DRC1: variants seen among roughly 807,000 people sequenced by gnomAD.
DRC1 encodes dynein regulatory complex protein 1.
DRC1 carries 74 observed loss-of-function variants against 98.7 expected under a neutral mutation model. The ratio of observed to expected loss-of-function variants is 0.75; its 90% confidence interval spans 0.62 to 0.91. The LOEUF (loss-of-function observed/expected upper bound fraction) is 0.91, where lower values mean the gene tolerates loss of function less well. Ranked by LOEUF, DRC1 falls within the 40% of genes least tolerant of loss-of-function variation. The pLI, the probability that DRC1 is intolerant of heterozygous loss-of-function variation, is 0.00. For missense variants in DRC1, 875 were observed against 886.0 expected (o/e 0.99, Z 0.16); for synonymous variants, 336 against 334.1 (o/e 1.01, Z -0.06).
At chr2:26,427,400 G>A (rs945699586) in intron 4 of DRC1, among the ~76,000 whole-genome samples, 5 of 152,014 alleles carry the variant, frequency 3.3e-5, no homozygotes, top group Non-Finnish European at 7.4e-5. Context: ...ACAGTTGTGA[G>A]CCACCGCACC....
In DRC1 at chr2:26,431,905, A is replaced by G; in HGVS notation, c.787A>G (p.Met263Val). The change falls in exon 7 of 17, where the codon ATG becomes GTG. Residue 263 changes from methionine (M) to valine (V), a missense_variant. Transcript: ENST00000288710. ...AKELEYLNNRMKKVEDYEKQL... is the reference protein window; with the variant it reads ...AKELEYLNNRVKKVEDYEKQL... ...TTAGCTGGAGTATCTTAACAACCGC[A>G]TGAAGAAAGTAGAGGACTATGAGAA... 1 of 1,614,038 alleles carries G rather than the reference A, an allele frequency of 6.2e-7. No homozygotes were observed. The highest frequency in any genetic ancestry group is 1.1e-5 in the South Asian group (1 of 91,076).
chr2:26,401,947 A>C lies in DRC1; in HGVS notation c.-43A>C. On this transcript the variant is annotated 5_prime_UTR_variant, in exon 1 of 17. Transcript: ENST00000288710. ...TCCTAGCAACCAGCCTGAGGTCTGG[A>C]GGTGGTGCGGAGGGAGCCGCCTAGG... The C allele has an allele frequency of 1.3e-6, 2 of 1,558,874 alleles. No individual in the cohort carries two copies. Among genetic ancestry groups the C allele is most frequent in the Non-Finnish European group, 1.7e-6 (2 of 1,151,358 alleles).
rs745589922 is a variant in DRC1, at chr2:26,450,092, C to G, written c.1599+7C>G. 6.2e-7 allele frequency: 1 copy of G among 1,610,948 alleles called. No individual in the cohort carries two copies. Among genetic ancestry groups the G allele is most frequent in the South Asian group, 1.1e-5 (1 of 90,454 alleles). ...GCTGGATGCCATCTTCTCCGTGAGTCCAACGGGGCTGGGAGGACACGGGTG... is the reference window on the plus strand; with the variant it reads ...GCTGGATGCCATCTTCTCCGTGAGTGCAACGGGGCTGGGAGGACACGGGTG... On this transcript the variant is annotated splice_region_variant and intron_variant, in intron 12 of 16. Coordinates refer to ENST00000288710, the MANE Select transcript of DRC1 (RefSeq NM_145038.5).
chr2:26,439,936 T>TATATATATATATATATACACAC (rs548209014), intron 7 of DRC1, among the ~76,000 whole-genome samples: 5 of 75,450 alleles, frequency 6.6e-5, no homozygotes, highest in Admixed American at 1.1e-4. Flanking sequence ...TATATATATA[T>TATATATATATATATATACACAC]ACACACACAC....
chr2:26,443,878 T>C (rs1422258943), intron 8 of DRC1, among the ~76,000 whole-genome samples: 4 of 152,224 alleles, frequency 2.6e-5, no homozygotes, highest in African/African-American at 9.6e-5. Flanking sequence ...TGAGATAGAT[T>C]ATTTAAATAT....
At chr2:26,451,294 G>A (rs72813847) in intron 13 of DRC1, among the ~76,000 whole-genome samples, 4,951 of 152,158 alleles carry the variant, frequency 0.033, 106 homozygotes, top group Non-Finnish European at 0.049. Context: ...AGCCCACCAG[G>A]TTCTGAATAT....
At position 26,455,181 on chromosome 2, in the gene DRC1, A is replaced by T; in HGVS notation, c.2114A>T (p.Glu705Val). ...AKLLLENSSL[E>V]QQNTELQALL... is the part of the protein sequence containing the mutation. ...CTGCTGCTGGAAAACAGTTCTCTGG[A>T]GCAGCAGAACACAGAGCTGCAGGCG... The change falls in exon 16 of 17, where the codon GAG becomes GTG. Residue 705 changes from glutamate to valine, a missense_variant. Physicochemically the swap from Glu to Val is moderately radical, Grantham distance 121. Transcript: ENST00000288710. The T allele has an allele frequency of 6.2e-7, 1 of 1,614,064 alleles. No homozygotes were observed. The highest frequency in any genetic ancestry group is 8.5e-7 in the Non-Finnish European group (1 of 1,180,024).
At chr2:26,446,953 C>T (rs1663867773) in intron 10 of DRC1, among the ~76,000 whole-genome samples, 1 of 151,778 alleles carries the variant, frequency 6.6e-6, no homozygotes, top group African/African-American at 2.4e-5. Flanking sequence ...ATTAGCCGGT[C>T]ATGGCGTGCG....
chr2:26,419,156 T>C (rs948148925), intron 2 of DRC1, among the ~76,000 whole-genome samples: 3 of 152,080 alleles, frequency 2.0e-5, no homozygotes, highest in African/African-American at 7.2e-5. Flanking sequence ...CCCAAATTGC[T>C]GGGATTACAG....
At chr2:26,444,463 G>T in intron 9 of DRC1, 107 bp downstream of exon 9, 2 of 1,457,604 alleles carry the variant, frequency 1.4e-6, no homozygotes, top group Non-Finnish European at 1.8e-6. Flanking sequence ...CAGCTATTCT[G>T]GGGCTGGACC....
chr2:26,452,490 C>T (rs145388091), intron 13 of DRC1, among the ~76,000 whole-genome samples: 2,303 of 152,248 alleles, frequency 0.015, 54 homozygotes, highest in African/African-American at 0.05. Context: ...GAACTCCTGA[C>T]CTCAAATGAT....
chr2:26,444,983 G>C lies in DRC1; in HGVS notation c.1396+35G>C, dbSNP rs758603478. ...ACACTGTCATAGAGCCTTAGAGCTG[G>C]AGGAGCCCCCTGAGAACATCGGGTC... On this transcript the variant is annotated intron_variant, in intron 10 of 16. Coordinates refer to ENST00000288710, the MANE Select transcript of DRC1 (RefSeq NM_145038.5). 1.9e-6 allele frequency: 3 copies of C among 1,602,912 alleles called. No individual in the cohort carries two copies. In the African/African-American group the frequency reaches 4.0e-5, roughly 21 times the overall value.
At chr2:26,442,168 G>T (rs1382662983) in intron 8 of DRC1, among the ~76,000 whole-genome samples, 1 of 152,134 alleles carries the variant, frequency 6.6e-6, no homozygotes, top group Non-Finnish European at 1.5e-5. Flanking sequence ...CTTTTATAAA[G>T]GCCTTAATCC....
At chr2:26,450,121 C>A (rs1200578469) in intron 12 of DRC1, 36 bp downstream of exon 12, 1 of 1,585,548 alleles carries the variant, frequency 6.3e-7, no homozygotes. Context: ...ACGGGTGGGG[C>A]TGCAGCCGGC....
At position 26,409,235 on chromosome 2, in the gene DRC1, C is replaced by G. The variant is rs563216025; in HGVS notation, c.156-5109C>G. On this transcript the variant is annotated intron_variant, in intron 1 of 16. Transcript: ENST00000288710. ...CATGAGCCACTGTGCTCAGCCCCAT[C>G]AGCTTGTTTTTAATGTTTAAATTTT... 5.6e-4 allele frequency among the ~76,000 whole-genome samples: 86 copies of G among 152,278 alleles called. No homozygotes were observed. In the Middle Eastern group the frequency reaches 0.014, roughly 24 times the overall value.
chr2:26,418,881 T>C (rs907012111), intron 2 of DRC1, among the ~76,000 whole-genome samples: 2 of 141,352 alleles, frequency 1.4e-5, no homozygotes, highest in African/African-American at 5.2e-5. Flanking sequence ...TTATATATTA[T>C]ATATATTATA....
Position 26,424,469 on chromosome 2 carries a change from C to T in DRC1, c.540+15C>T. On this transcript the variant is annotated intron_variant, in intron 4 of 16. Transcript: ENST00000288710. ...AGTTACAGCAGGCAAGAGGCCCGGG[C>T]CCTCCAGCCCAGCCACAGGGGATCT... The T allele has an allele frequency of 6.3e-7, 1 of 1,592,868 alleles. No individual in the cohort carries two copies. Among genetic ancestry groups the T allele is most frequent in the Non-Finnish European group, 8.6e-7 (1 of 1,165,688 alleles).
intron 9 of DRC1, 106 bp from the exon 10 acceptor site, chr2:26,444,610 A>C (rs1407283633): frequency 1.7e-6 from 2 of 1,178,184 alleles, no homozygotes; most frequent in East Asian, 2.5e-5. Context: ...GGCCAGGCCC[A>C]GGAATTAGCA....
Position 26,454,603 on chromosome 2 carries a change from T to C in DRC1, c.1920-44T>C. The C allele has an allele frequency of 6.2e-7, 1 of 1,608,768 alleles. No homozygotes were observed. Among genetic ancestry groups the C allele is most frequent in the South Asian group, 1.1e-5 (1 of 90,166 alleles). The stretch of plus-strand genomic sequence containing the variant: ...GACTGGCACTGCCTGGGGGCCTGGG[T>C]AGTACCCAATGGACATGACAATCAC... On this transcript the variant is annotated intron_variant, in intron 14 of 16. Transcript: ENST00000288710. The surrounding 1 kb of genome is among the most constrained non-coding windows in gnomAD (Gnocchi z 5.2).
Sources: allele counts gnomAD v4.1 joint callset (sites outside exome capture counted in the v4.1 genomes callset), GRCh38; gene constraint gnomAD v4.1.1; non-coding constraint Gnocchi (gnomAD v3.1); transcripts MANE v1.5; gene names NCBI Gene and HGNC (gene_info 2026-07-23, HGNC 2026-07-21).